Variants in LINGO2 observed in about 807,000 individuals in gnomAD.
LINGO2 encodes the protein leucine rich repeat and Ig domain containing 2.
Under a neutral mutation model 30.6 loss-of-function variants are expected in LINGO2, and 14 were observed. The ratio of observed to expected loss-of-function variants is 0.46; its 90% CI spans 0.30 to 0.72. LINGO2 has a LOEUF of 0.72. Ranked by LOEUF, LINGO2 falls within the 30% of genes least tolerant of loss-of-function variation. The pLI, the probability that LINGO2 is intolerant of heterozygous loss-of-function variation, is 0.07. For missense variants in LINGO2, 729 were observed against 751.7 expected, an observed-to-expected ratio of 0.97 and a Z score of 0.35; for synonymous variants, 317 against 288.5, an observed-to-expected ratio of 1.10 and a Z score of -1.00.
the LINGO2 span, among the ~76,000 whole-genome samples, chr9:28,836,314 C>T: frequency 3.9e-5 from 6 of 151,920 alleles, no homozygotes; most frequent in African/African-American, 1.5e-4. Context: ...GCCCATTATC[C>T]TAACTATATA....
At chr9:28,539,236 C>A (rs1340949327) in intron 1 of LINGO2, among the ~76,000 whole-genome samples, 1 of 151,878 alleles carries the variant, frequency 6.6e-6, no homozygotes, top group African/African-American at 2.4e-5. Flanking sequence ...TAAAGTGGGT[C>A]TTTTAATATA....
the LINGO2 span, among the ~76,000 whole-genome samples, chr9:28,990,172 G>A: frequency 6.6e-6 from 1 of 152,068 alleles, no homozygotes; most frequent in South Asian, 2.1e-4. Context: ...TTTTCTGACA[G>A]GATTAAAAAA....
At chr9:28,747,774 T>A in the LINGO2 span, among the ~76,000 whole-genome samples, 9 of 81,722 alleles carry the variant, frequency 1.1e-4, no homozygotes, top group Non-Finnish European at 2.2e-4. Flanking sequence ...ATACTGGCTA[T>A]TGTTATATTT....
chr9:28,209,378 A>T (rs2068929), intron 4 of LINGO2, among the ~76,000 whole-genome samples: 23,986 of 151,804 alleles, frequency 0.16, 2,084 homozygotes, highest in South Asian at 0.28. Context: ...GACACTTCCC[A>T]CTAGCTCTTA....
the LINGO2 span, among the ~76,000 whole-genome samples, chr9:28,755,161 A>G: frequency 6.6e-6 from 1 of 152,130 alleles, no homozygotes; most frequent in Non-Finnish European, 1.5e-5. Flanking sequence ...ACCGACTTTT[A>G]TACTTTTTAT....
the LINGO2 span, among the ~76,000 whole-genome samples, chr9:29,082,148 T>C: frequency 6.6e-6 from 1 of 152,126 alleles, no homozygotes; most frequent in African/African-American, 2.4e-5. Context: ...AGAACAAAGC[T>C]GGAGGCATCA....
At chr9:28,922,904 C>G in the LINGO2 span, among the ~76,000 whole-genome samples, 6 of 152,066 alleles carry the variant, frequency 3.9e-5, no homozygotes, top group Non-Finnish European at 7.3e-5. Flanking sequence ...TTGGACTATG[C>G]AGGTGGACCC....
the LINGO2 span, among the ~76,000 whole-genome samples, chr9:28,949,652 T>A: frequency 6.6e-6 from 1 of 152,232 alleles, no homozygotes; most frequent in East Asian, 1.9e-4. Flanking sequence ...CAGGACCAGA[T>A]GGATTCACAG....
chr9:28,446,242 T>C (rs1438022585), intron 2 of LINGO2, among the ~76,000 whole-genome samples: 1 of 152,200 alleles, frequency 6.6e-6, no homozygotes, highest in East Asian at 1.9e-4. Context: ...CAAAGCTAAT[T>C]CTGAATGACA....
At chr9:29,037,245 A>C in the LINGO2 span, among the ~76,000 whole-genome samples, 27 of 152,004 alleles carry the variant, frequency 1.8e-4, no homozygotes, top group South Asian at 5.2e-3. Flanking sequence ...TTAATATTAT[A>C]ATTTAGTTTT....
At chr9:28,989,168 A>T in the LINGO2 span, among the ~76,000 whole-genome samples, 3 of 152,210 alleles carry the variant, frequency 2.0e-5, no homozygotes, top group African/African-American at 7.2e-5. Context: ...TGCTAAATTC[A>T]ATTCCATTCC....
At chr9:29,037,688 G>T in the LINGO2 span, among the ~76,000 whole-genome samples, 1 of 151,854 alleles carries the variant, frequency 6.6e-6, no homozygotes. Context: ...ATTGGTAACG[G>T]AAGTTCCATT....
At chr9:28,534,083 G>A (rs1821337075) in intron 1 of LINGO2, among the ~76,000 whole-genome samples, 1 of 152,024 alleles carries the variant, frequency 6.6e-6, no homozygotes, top group Non-Finnish European at 1.5e-5. Flanking sequence ...CCTTCTTATT[G>A]AACTGGTTAA....
At chr9:29,170,009 AAACAACAACAAC>A in the LINGO2 span, among the ~76,000 whole-genome samples, 1 of 152,112 alleles carries the variant, frequency 6.6e-6, no homozygotes, top group African/African-American at 2.4e-5. Context: ...AACAAACAAA[AAACAACAACAAC>A]AACAACAAAA....
the LINGO2 span, among the ~76,000 whole-genome samples, chr9:29,144,842 G>T: frequency 6.6e-6 from 1 of 151,702 alleles, no homozygotes; most frequent in Non-Finnish European, 1.5e-5. Context: ...TAAAAATTGG[G>T]CAGGCAAAAA....
intron 4 of LINGO2, among the ~76,000 whole-genome samples, chr9:28,243,315 C>G (rs1339700522): frequency 1.3e-5 from 2 of 151,736 alleles, no homozygotes; most frequent in African/African-American, 4.8e-5. Context: ...AAAAAATTAA[C>G]CGGGTGTGGT....
chr9:29,166,197 T>G, the LINGO2 span, among the ~76,000 whole-genome samples: 2 of 152,100 alleles, frequency 1.3e-5, no homozygotes, highest in East Asian at 3.9e-4. Flanking sequence ...ATTTAAAAAT[T>G]CCACTTTTTA....
intron 1 of LINGO2, among the ~76,000 whole-genome samples, chr9:28,661,329 T>C (rs947721130): frequency 7.9e-5 from 12 of 152,114 alleles, no homozygotes; most frequent in African/African-American, 2.9e-4. Flanking sequence ...AATAGGTGAA[T>C]GAGGCCATCC....
intron 2 of LINGO2, among the ~76,000 whole-genome samples, chr9:28,413,243 T>C (rs1358661025): frequency 7.9e-5 from 12 of 151,996 alleles, no homozygotes; most frequent in Admixed American, 7.9e-4. Context: ...CCCCACCCCA[T>C]ATTGTTTAAG....
Sources: allele counts gnomAD v4.1 joint callset (sites outside exome capture counted in the v4.1 genomes callset), GRCh38; gene constraint gnomAD v4.1.1; transcripts MANE v1.5; gene names NCBI Gene and HGNC (gene_info 2026-07-23, HGNC 2026-07-21).